Variants in CHRNG observed in about 807,000 individuals in gnomAD.
The protein encoded by CHRNG is cholinergic receptor nicotinic gamma subunit.
In CHRNG, 72 loss-of-function variants were observed where a neutral mutation model predicts 65.2. The observed-to-expected ratio is 1.10, with a 90% CI of 0.91 to 1.34. CHRNG has a LOEUF of 1.34. Ranked by LOEUF, CHRNG falls within the 40% of genes most tolerant of loss-of-function variation. The pLI is 0.00. For synonymous variants in CHRNG, 284 were observed against 290.2 expected (o/e 0.98, Z 0.22); for missense variants, 637 against 680.1 (o/e 0.94, Z 0.70).
At position 232,541,047 on chromosome 2, in the gene CHRNG, CG is replaced by C. The variant is rs1692004511; in HGVS notation, c.351-322del. Among the ~76,000 whole-genome samples, 5 of 152,056 alleles carry C rather than the reference CG, an allele frequency of 3.3e-5. No individual in the cohort carries two copies. In the South Asian group the frequency reaches 1.0e-3, roughly 31 times the overall value. On this transcript the variant is annotated intron_variant, in intron 4 of 11. Coordinates refer to ENST00000651502, the MANE Select transcript of CHRNG (RefSeq NM_005199.5). This position sits in a 1 kb window ranked among gnomAD's most constrained non-coding sequence, Gnocchi z 4.0. The stretch of plus-strand genomic sequence containing the variant: ...AGACAGGCATGAAAAGTGCATCACT[CG>C]GGGGCTGGCACATGGTGTGGGCTTA...
Position 232,545,599 on chromosome 2 carries a change from C to T in CHRNG, c.1437C>T (p.Ala479=), listed in dbSNP as rs757352527. The change falls in exon 12 of 12, where the codon GCC becomes GCT. Residue 479 remains alanine, a synonymous_variant. Coordinates refer to ENST00000651502, the MANE Select transcript of CHRNG (RefSeq NM_005199.5). ...GRVLDRVCFL[A]MLSLFICGTA... is the part of the protein sequence containing the mutation. ...TGCTGGACCGCGTCTGCTTCCTGGC[C>T]ATGCTCTCGCTCTTCATCTGTGGCA... 1 of 1,614,108 alleles carries T rather than the reference C, an allele frequency of 6.2e-7. No individual in the cohort carries two copies. The highest frequency in any genetic ancestry group is 1.6e-4 in the Middle Eastern group (1 of 6,062).
chr2:232,543,756 T>G, intron 9 of CHRNG, 57 bp downstream of exon 9: 7 of 1,049,288 alleles, frequency 6.7e-6, no homozygotes, highest in Non-Finnish European at 1.0e-5. Context: ...TACGCCTCCC[T>G]CTCGCACGCC....
In CHRNG at chr2:232,540,695, A is replaced by G; in HGVS notation, c.334A>G (p.Ile112Val). 6.2e-7 allele frequency: 1 copy of G among 1,611,778 alleles called. No individual in the cohort carries two copies. The highest frequency in any genetic ancestry group is 8.5e-7 in the Non-Finnish European group (1 of 1,179,728). ...GTCCACCATGGTGTGGCGGCCGGATATCGTGCTGGAGAACAAGTGAGGAGG... is the reference window on the plus strand; with the variant it reads ...GTCCACCATGGTGTGGCGGCCGGATGTCGTGCTGGAGAACAAGTGAGGAGG... Reference protein sequence around the residue: ...VPSTMVWRPDIVLENNVDGVF... With the variant: ...VPSTMVWRPDVVLENNVDGVF... The change falls in exon 4 of 12, where the codon ATC becomes GTC. Residue 112 changes from isoleucine (I) to valine (V), a missense_variant. By Grantham distance (29) the Ile-to-Val change is conservative. Coordinates refer to ENST00000651502, the MANE Select transcript of CHRNG (RefSeq NM_005199.5). This position sits in a 1 kb window ranked among gnomAD's most constrained non-coding sequence, Gnocchi z 4.2.
chr2:232,546,308 C>CTTT lies in CHRNG; in HGVS notation c.*610_*612dup, dbSNP rs57021172. On this transcript the variant is annotated 3_prime_UTR_variant, in exon 12 of 12. Transcript: ENST00000651502. The stretch of plus-strand genomic sequence containing the variant: ...ACGATTTCCTGAGTTTTGTAATCCT[C>CTTT]TTTTTTTTTTTTTTTTTTTTAGTTT... 1,084 of 94,736 alleles carry CTTT rather than the reference C, an allele frequency of 0.011. 17 individuals are homozygous for CTTT. Among genetic ancestry groups the CTTT allele is most frequent in the African/African-American group, 0.033 (869 of 26,080 alleles). The allele number at this position is 94,736 out of a possible 1,614,324, so 5.9% of individuals were successfully genotyped here. A position where few individuals can be genotyped will look rare whatever the true frequency, so the allele number is the denominator to read the frequency against.
Position 232,545,946 on chromosome 2 carries a change from G to A in CHRNG, c.*230G>A, listed in dbSNP as rs1403594816. On this transcript the variant is annotated 3_prime_UTR_variant, in exon 12 of 12. Coordinates refer to ENST00000651502, the MANE Select transcript of CHRNG (RefSeq NM_005199.5). Reference sequence around the variant, plus strand: ...CCTGCTGCAGTCAGCACACACGTGGGATTGGCTAGCTCATCCTGGCACCAG... The same window carrying A: ...CCTGCTGCAGTCAGCACACACGTGGAATTGGCTAGCTCATCCTGGCACCAG... 3 of 629,316 alleles carry A rather than the reference G, an allele frequency of 4.8e-6. No individual in the cohort carries two copies. The highest frequency in any genetic ancestry group is 3.6e-5 in the African/African-American group (2 of 55,808). The allele number at this position is 629,316 out of a possible 1,614,324, so 39.0% of individuals were successfully genotyped here. A position where few individuals can be genotyped will look rare whatever the true frequency, so the allele number is the denominator to read the frequency against.
Position 232,540,215 on chromosome 2 carries a change from A to C in CHRNG, c.195+84A>C. The C allele has an allele frequency of 1.2e-6, 2 of 1,609,482 alleles. No homozygotes were observed. Among genetic ancestry groups the C allele is most frequent in the Non-Finnish European group, 1.7e-6 (2 of 1,176,284 alleles). ...GCATGGGGTGGCTCCAGCCACCAAG[A>C]GGTTGGAGGGCCCTAAATCGGACAG... On this transcript the variant is annotated intron_variant, in intron 2 of 11. Transcript: ENST00000651502. The surrounding 1 kb of genome is among the most constrained non-coding windows in gnomAD (Gnocchi z 4.2).
At position 232,541,329 on chromosome 2, in the gene CHRNG, G is replaced by A. The variant is rs778143132; in HGVS notation, c.351-45G>A. On this transcript the variant is annotated intron_variant, in intron 4 of 11. Coordinates refer to ENST00000651502, the MANE Select transcript of CHRNG (RefSeq NM_005199.5). This position sits in a 1 kb window ranked among gnomAD's most constrained non-coding sequence, Gnocchi z 4.0. ...GCTGGTCTGGGGCTGGGGTGTCGGG[G>A]GCTGAGCCCACAGCCTCGTGGCCTG... 1 of 1,613,038 alleles carries A rather than the reference G, an allele frequency of 6.2e-7. No homozygotes were observed. Among genetic ancestry groups the A allele is most frequent in the African/African-American group, 1.3e-5 (1 of 74,828 alleles).
chr2:232,545,509 C>T (rs1192525739), intron 11 of CHRNG, 34 bp from the exon 12 acceptor site: 5 of 1,601,876 alleles, frequency 3.1e-6, no homozygotes, highest in South Asian at 1.1e-5. Context: ...CTGGTGCCGC[C>T]GCTGGTTATC....
Position 232,546,067 on chromosome 2 carries a change from G to C in CHRNG, c.*351G>C. On this transcript the variant is annotated 3_prime_UTR_variant, in exon 12 of 12. Coordinates refer to ENST00000651502, the MANE Select transcript of CHRNG (RefSeq NM_005199.5). ...AAGGACTGTTTTGTATAATACCTTC[G>C]GACTTGGGACTGGCTCCCCTTTTAC... The C allele has an allele frequency of 2.7e-6, 1 of 375,230 alleles. No homozygotes were observed. Among genetic ancestry groups the C allele is most frequent in the Non-Finnish European group, 5.1e-6 (1 of 194,672 alleles). 23.2% of individuals were successfully genotyped at this position (375,230 alleles called of 1,614,324 possible).
rs1692147937 is a variant in CHRNG, at chr2:232,547,200, A to T, written c.*1484A>T. 6.6e-6 allele frequency among the ~76,000 whole-genome samples: 1 copy of T among 152,144 alleles called. No homozygotes were observed. Among genetic ancestry groups the T allele is most frequent in the African/African-American group, 2.4e-5 (1 of 41,430 alleles). On this transcript the variant is annotated 3_prime_UTR_variant, in exon 12 of 12. Transcript: ENST00000651502. ...GGTGGGTGGACTGCTTGAGCTCAGG[A>T]GCCCACGAACCCAGGAACCCAGCCT...
rs202023568 is a variant in CHRNG, at chr2:232,542,869, TGCCTGCCC to T, written c.605-10_605-3del. On this transcript the variant is annotated splice_region_variant and splice_polypyrimidine_tract_variant and intron_variant, in intron 6 of 11. Transcript: ENST00000651502. ...CTTCTTGTGCCCACTCCTGCCTGCC[TGCCTGCCC>T]GCAGAGAATGGGGAGTGGGCCATCC... The T allele has an allele frequency of 6.2e-7, 1 of 1,610,794 alleles. No homozygotes were observed. The highest frequency in any genetic ancestry group is 1.1e-5 in the South Asian group (1 of 91,048).
Position 232,545,867 on chromosome 2 carries a change from G to C in CHRNG, c.*151G>C, listed in dbSNP as rs1420753868. ...CCAAACAGCCCTGAGAAAAGCTGGG[G>C]AAACAGTCTGAGCTGGAGTCCGAGA... On this transcript the variant is annotated 3_prime_UTR_variant, in exon 12 of 12. Coordinates refer to ENST00000651502, the MANE Select transcript of CHRNG (RefSeq NM_005199.5). The C allele has an allele frequency of 2.2e-6, 2 of 895,664 alleles. No homozygotes were observed. The highest frequency in any genetic ancestry group is 3.6e-6 in the Non-Finnish European group (2 of 561,198). 55.5% of individuals were successfully genotyped at this position (895,664 alleles called of 1,614,324 possible).
At position 232,544,380 on chromosome 2, in the gene CHRNG, T is replaced by C. The variant is rs1692080823; in HGVS notation, c.1049T>C (p.Leu350Pro). 6.2e-7 allele frequency: 1 copy of C among 1,613,162 alleles called. No individual in the cohort carries two copies. The highest frequency in any genetic ancestry group is 1.7e-5 in the Admixed American group (1 of 60,010). ...ARGVRKVFLR[L>P]LPQLLRMHVR... ...CCCCCTCTCTAGGTGTTCCTGAGGCTCTTGCCCCAGCTGCTGAGGATGCAC... is the reference window on the plus strand; with the variant it reads ...CCCCCTCTCTAGGTGTTCCTGAGGCCCTTGCCCCAGCTGCTGAGGATGCAC... Residue 350 changes from leucine to proline, a missense_variant, in exon 10 of 12, where the codon CTC becomes CCC. Leu to Pro is a moderately conservative substitution (Grantham distance 98, BLOSUM62 -3). Coordinates refer to ENST00000651502, the MANE Select transcript of CHRNG (RefSeq NM_005199.5).
intron 9 of CHRNG, 101 bp downstream of exon 9, chr2:232,543,800 A>C: frequency 1.3e-6 from 1 of 766,190 alleles, no homozygotes; most frequent in Non-Finnish European, 2.3e-6. Context: ...TCCACAGCAC[A>C]CCCATCCTGG....
chr2:232,544,413 C>A lies in CHRNG; in HGVS notation c.1082C>A (p.Pro361Gln). 1.2e-6 allele frequency: 2 copies of A among 1,613,548 alleles called. No individual in the cohort carries two copies. Among genetic ancestry groups the A allele is most frequent in the Non-Finnish European group, 1.7e-6 (2 of 1,179,994 alleles). ...LPQLLRMHVR[P>Q]LAPAAVQDTQ... ...CAGCTGCTGAGGATGCACGTTCGCC[C>A]GCTGGCCCCGGCAGCTGTGCAGGAC... The change falls in exon 10 of 12, where the codon CCG (proline) becomes CAG (glutamine). Residue 361 changes from proline (P) to glutamine (Q), a missense_variant. Transcript: ENST00000651502.
intron 11 of CHRNG, among the ~76,000 whole-genome samples, chr2:232,545,333 G>GGAAA (rs1025891297): frequency 6.8e-6 from 1 of 146,462 alleles, no homozygotes; most frequent in African/African-American, 2.5e-5. Context: ...AAAAAAAAAA[G>GGAAA]GAAAGAAAGA....
At chr2:232,544,640 A>C in intron 10 of CHRNG, 60 bp downstream of exon 10, 1 of 1,568,378 alleles carries the variant, frequency 6.4e-7, no homozygotes, top group Non-Finnish European at 8.8e-7. Context: ...CTGGGGAGCC[A>C]GGCACAGCAG....
At position 232,540,271 on chromosome 2, in the gene CHRNG, G is replaced by T. The variant is rs1051115434; in HGVS notation, c.196-110G>T. The T allele has an allele frequency of 1.3e-6, 2 of 1,598,080 alleles. No individual in the cohort carries two copies. Among genetic ancestry groups the T allele is most frequent in the East Asian group, 2.2e-5 (1 of 44,760 alleles). On this transcript the variant is annotated intron_variant, in intron 2 of 11. Transcript: ENST00000651502. This position sits in a 1 kb window ranked among gnomAD's most constrained non-coding sequence, Gnocchi z 4.2. ...GGTCTGGAAAACCCCCATGGTTGTG[G>T]GGGGAGTACTATCAAGAGGCTGGGG...
Position 232,545,062 on chromosome 2 carries a change from C to T in CHRNG, c.1380+160C>T, listed in dbSNP as rs149874341. 2.6e-4 allele frequency among the ~76,000 whole-genome samples: 39 copies of T among 152,050 alleles called. No homozygotes were observed. In the East Asian group the frequency reaches 7.6e-3, roughly 30 times the overall value. On this transcript the variant is annotated intron_variant, in intron 11 of 11. Transcript: ENST00000651502. Reference sequence around the variant, plus strand: ...CTGTAATCCCAGTACTTTGGGAGGCCGAGGCGAGTGGATCACCTGAGGTCA... The same window carrying T: ...CTGTAATCCCAGTACTTTGGGAGGCTGAGGCGAGTGGATCACCTGAGGTCA...
Sources: gnomAD v4.1 joint callset for allele counts (sites outside exome capture counted in the v4.1 genomes callset) on GRCh38, gnomAD v4.1.1 for gene constraint, Gnocchi (gnomAD v3.1) non-coding constraint, MANE v1.5 for transcripts, NCBI Gene and HGNC (gene_info 2026-07-23, HGNC 2026-07-21) for gene names.